OSBPL3: variants seen among roughly 807,000 people sequenced by gnomAD.
OSBPL3 encodes the protein oxysterol-binding protein-related protein 3.
Under a neutral mutation model 120.1 loss-of-function variants are expected in OSBPL3, and 65 were observed. The ratio of observed to expected loss-of-function variants is 0.54; its 90% confidence interval spans 0.44 to 0.67. The LOEUF (loss-of-function observed/expected upper bound fraction) is 0.67. OSBPL3 is among the 30% of genes least tolerant of loss of function. The pLI is 0.00. For missense variants in OSBPL3, 1,004 were observed against 1,082.1 expected, an observed-to-expected ratio of 0.93 and a Z score of 1.01; for synonymous variants, 416 against 402.6, an observed-to-expected ratio of 1.03 and a Z score of -0.40.
chr7:24,974,105 C>T (rs1347028371), intron 1 of OSBPL3, among the ~76,000 whole-genome samples: 1 of 152,120 alleles, frequency 6.6e-6, no homozygotes, highest in African/African-American at 2.4e-5. Context: ...TATGTGTTAT[C>T]CTACGGCGCT....
chr7:24,902,370 C>T (rs1218917638), intron 1 of OSBPL3, among the ~76,000 whole-genome samples: 4 of 152,192 alleles, frequency 2.6e-5, no homozygotes, highest in Non-Finnish European at 5.9e-5. Flanking sequence ...CTTCTTTCTG[C>T]AACTGGCTTA....
rs116852964 is a variant in OSBPL3, at chr7:24,867,451, C to A, written c.382-1214G>T. ...GAATTCCCACATTTTGTGGGAGGGA[C>A]CTGGTCAGTGAGAGGTAACTGGATC... On this transcript the variant is annotated intron_variant, in intron 5 of 22. Coordinates refer to ENST00000313367, the MANE Select transcript of OSBPL3 (RefSeq NM_015550.4). This position sits in a 1 kb window ranked among gnomAD's most constrained non-coding sequence, Gnocchi z 4.5. Among the ~76,000 whole-genome samples, 6 of 152,128 alleles carry A rather than the reference C, an allele frequency of 3.9e-5. No homozygotes were observed. The highest frequency in any genetic ancestry group is 1.4e-4 in the African/African-American group (6 of 41,420).
At chr7:24,911,103 AT>A (rs1308295024) in intron 1 of OSBPL3, among the ~76,000 whole-genome samples, 2 of 152,214 alleles carry the variant, frequency 1.3e-5, no homozygotes, top group African/African-American at 4.8e-5. Flanking sequence ...GCCTTCTTTA[AT>A]TTTGGTATTT....
Position 24,938,090 on chromosome 7 carries a change from G to A in OSBPL3, c.-150+41796C>T, listed in dbSNP as rs1252572323. Reference sequence around the variant, plus strand: ...AAATATACAAGGGCTTATTTGCTATGGGCTGAAAGTTTCTGTCCCGCCAAA... The same window carrying A: ...AAATATACAAGGGCTTATTTGCTATAGGCTGAAAGTTTCTGTCCCGCCAAA... On this transcript the variant is annotated intron_variant, in intron 1 of 22. Coordinates refer to ENST00000313367, the MANE Select transcript of OSBPL3 (RefSeq NM_015550.4). The surrounding 1 kb of genome is among the most constrained non-coding windows in gnomAD (Gnocchi z 5.8). 2.0e-5 allele frequency among the ~76,000 whole-genome samples: 3 copies of A among 152,168 alleles called. No homozygotes were observed. Among genetic ancestry groups the A allele is most frequent in the Non-Finnish European group, 4.4e-5 (3 of 68,024 alleles).
intron 16 of OSBPL3, among the ~76,000 whole-genome samples, chr7:24,823,121 C>T (rs1162888527): frequency 6.6e-6 from 1 of 152,124 alleles, no homozygotes; most frequent in African/African-American, 2.4e-5. Flanking sequence ...TTTGTTGTTC[C>T]ATGGACCTGG....
chr7:24,859,038 T>C (rs1411412863), intron 10 of OSBPL3, among the ~76,000 whole-genome samples: 1 of 152,360 alleles, frequency 6.6e-6, no homozygotes, highest in African/African-American at 2.4e-5. Flanking sequence ...CAGGTAACTC[T>C]TGCCATTTCA....
At chr7:24,864,225 G>A (rs1375501130) in intron 7 of OSBPL3, among the ~76,000 whole-genome samples, 6 of 152,192 alleles carry the variant, frequency 3.9e-5, no homozygotes, top group Non-Finnish European at 7.3e-5. Context: ...TCAAAAGATA[G>A]TCCATATTTG....
intron 22 of OSBPL3, 125 bp from the exon 23 acceptor site, chr7:24,800,404 G>T: frequency 1.4e-5 from 7 of 497,010 alleles, no homozygotes; most frequent in South Asian, 5.5e-5. Flanking sequence ...GTCCCAGAGT[G>T]TTGGGACCGG....
intron 12 of OSBPL3, among the ~76,000 whole-genome samples, chr7:24,845,656 T>TA (rs199729370): frequency 0.12 from 15,861 of 137,186 alleles, 1,219 homozygotes; most frequent in South Asian, 0.24. Flanking sequence ...CACTTTTTCC[T>TA]AAAAAAAAAA....
intron 15 of OSBPL3, among the ~76,000 whole-genome samples, chr7:24,832,531 AG>A (rs71554007): frequency 1.3e-4 from 19 of 148,556 alleles, no homozygotes; most frequent in Admixed American, 2.0e-4. Context: ...AAAAAAAAAA[AG>A]AAGAAGAAAA....
Position 24,896,858 on chromosome 7 carries a change from G to A in OSBPL3, c.-149-4237C>T, listed in dbSNP as rs556224393. 6.6e-6 allele frequency among the ~76,000 whole-genome samples: 1 copy of A among 152,266 alleles called. No individual in the cohort carries two copies. The highest frequency in any genetic ancestry group is 1.9e-4 in the East Asian group (1 of 5,180). On this transcript the variant is annotated intron_variant, in intron 1 of 22. Transcript: ENST00000313367. This position sits in a 1 kb window ranked among gnomAD's most constrained non-coding sequence, Gnocchi z 4.4. ...AGGTGGACGCGACTGGATTACTTGA[G>A]GTCAGGAGTTCAAGACCAGCCTGGC...
At chr7:24,836,116 A>G (rs1562798572) in intron 14 of OSBPL3, among the ~76,000 whole-genome samples, 2 of 152,022 alleles carry the variant, frequency 1.3e-5, no homozygotes. Flanking sequence ...TTTTGCCTAT[A>G]TCTTTATTTT....
chr7:24,831,512 A>C lies in OSBPL3; in HGVS notation c.1747-607T>G, dbSNP rs1227561470. The stretch of plus-strand genomic sequence containing the variant: ...AACATCCAAAAAAAAAATTAAAATA[A>C]AGAGAGGAAGGAAGAAAAACTTTAC... On this transcript the variant is annotated intron_variant, in intron 15 of 22. Transcript: ENST00000313367. The surrounding 1 kb of genome is among the most constrained non-coding windows in gnomAD (Gnocchi z 4.0). Among the ~76,000 whole-genome samples the C allele has an allele frequency of 6.6e-6, 1 of 152,186 alleles. No individual in the cohort carries two copies. Among genetic ancestry groups the C allele is most frequent in the Non-Finnish European group, 1.5e-5 (1 of 68,032 alleles).
Position 24,798,068 on chromosome 7 carries a change from ATAGTTCTCTATCATATTT to A in OSBPL3, c.*2097_*2114del, listed in dbSNP as rs1435684408. On this transcript the variant is annotated 3_prime_UTR_variant, in exon 23 of 23. Coordinates refer to ENST00000313367, the MANE Select transcript of OSBPL3 (RefSeq NM_015550.4). This position sits in a 1 kb window ranked among gnomAD's most constrained non-coding sequence, Gnocchi z 4.6. ...ACTGACTAGATTTTAAAATCTGCATATAGTTCTCTATCATATTTTAATTCGTTCCCACCCCCATCTCAA... is the reference window on the plus strand; with the variant it reads ...ACTGACTAGATTTTAAAATCTGCATATAATTCGTTCCCACCCCCATCTCAA... 1 of 152,218 alleles carries A rather than the reference ATAGTTCTCTATCATATTT, an allele frequency of 6.6e-6. No individual in the cohort carries two copies. Among genetic ancestry groups the A allele is most frequent in the Non-Finnish European group, 1.5e-5 (1 of 68,044 alleles). 9.4% of individuals were successfully genotyped at this position (152,218 alleles called of 1,614,324 possible). A position where few individuals can be genotyped will look rare whatever the true frequency, so the allele number is the denominator to read the frequency against.
rs1351968004 is a variant in OSBPL3 at position 24,863,998 on chromosome 7, T to G, written c.674-399A>C. On this transcript the variant is annotated intron_variant, in intron 7 of 22. Transcript: ENST00000313367. The surrounding 1 kb of genome is among the most constrained non-coding windows in gnomAD (Gnocchi z 5.8). ...TAAGAACTAAATAAATCAACCATCA[T>G]CATCATCATCATCACCAACTTAAAT... Among the ~76,000 whole-genome samples the G allele has an allele frequency of 6.6e-6, 1 of 152,230 alleles. No individual in the cohort carries two copies. The highest frequency in any genetic ancestry group is 1.5e-5 in the Non-Finnish European group (1 of 68,042).
intron 14 of OSBPL3, among the ~76,000 whole-genome samples, chr7:24,840,435 T>A (rs1797602811): frequency 6.6e-6 from 1 of 152,186 alleles, no homozygotes; most frequent in Non-Finnish European, 1.5e-5. Context: ...TTCTAATGAT[T>A]TTTTTAATAA....
rs1359286708 is a variant in OSBPL3, at chr7:24,849,004, G to A, written c.1266+65C>T. ...GGGAAGCAGGGAGGTCGTGCAATGG[G>A]ACAGATGGTATCACGGGAGCGGGCG... On this transcript the variant is annotated intron_variant, in intron 12 of 22. Transcript: ENST00000313367. This position sits in a 1 kb window ranked among gnomAD's most constrained non-coding sequence, Gnocchi z 5.4. 5.2e-6 allele frequency: 6 copies of A among 1,147,230 alleles called. No individual in the cohort carries two copies. The highest frequency in any genetic ancestry group is 7.9e-6 in the Non-Finnish European group (6 of 764,140). 71.1% of individuals were successfully genotyped at this position (1,147,230 alleles called of 1,614,324 possible).
Position 24,913,234 on chromosome 7 carries a change from T to A in OSBPL3, c.-149-20613A>T, listed in dbSNP as rs1488816436. ...CCAGTTCATCGTCATTGTCTCAATT[T>A]ACCAAGTTTTGGGGTTGTTTGTGAC... On this transcript the variant is annotated intron_variant, in intron 1 of 22. Transcript: ENST00000313367. This position sits in a 1 kb window ranked among gnomAD's most constrained non-coding sequence, Gnocchi z 5.3. 6.6e-6 allele frequency among the ~76,000 whole-genome samples: 1 copy of A among 152,224 alleles called. No homozygotes were observed. Among genetic ancestry groups the A allele is most frequent in the Non-Finnish European group, 1.5e-5 (1 of 68,036 alleles).
At chr7:24,841,713 A>AG (rs1376972505) in intron 13 of OSBPL3, among the ~76,000 whole-genome samples, 1 of 147,010 alleles carries the variant, frequency 6.8e-6, no homozygotes. Flanking sequence ...AAAAAAAAAA[A>AG]AAAAAAAAGA....
Sources: allele counts gnomAD v4.1 joint callset (sites outside exome capture counted in the v4.1 genomes callset), GRCh38; gene constraint gnomAD v4.1.1; non-coding constraint Gnocchi (gnomAD v3.1); transcripts MANE v1.5; gene names NCBI Gene and HGNC (gene_info 2026-07-23, HGNC 2026-07-21).